TAFA4: variants seen among roughly 807,000 people sequenced by gnomAD.
The protein encoded by TAFA4 is TAFA chemokine like family member 4.
In TAFA4, 20 loss-of-function variants were observed where a neutral mutation model predicts 21.1. The observed-to-expected ratio is 0.95, with a 90% CI of 0.67 to 1.38. The LOEUF (loss-of-function observed/expected upper bound fraction) is 1.38. TAFA4 is among the 40% of genes most tolerant of loss of function. The probability of loss-of-function intolerance (pLI) is 0.00; values close to 1 mark genes in which losing one functional copy is unlikely to be tolerated. For synonymous variants in TAFA4, 71 were observed against 67.4 expected, an observed-to-expected ratio of 1.05 and a Z score of -0.26; for missense variants, 211 against 180.9, an observed-to-expected ratio of 1.17 and a Z score of -0.95.
At chr3:68,866,577 C>G (rs973529004) in intron 3 of TAFA4, among the ~76,000 whole-genome samples, 1 of 134,702 alleles carries the variant, frequency 7.4e-6, no homozygotes, top group Non-Finnish European at 1.5e-5. Context: ...GCAGACAAAA[C>G]AAGCAGCCAG....
At chr3:68,928,729 C>G (rs1325226565) in intron 1 of TAFA4, among the ~76,000 whole-genome samples, 4 of 152,122 alleles carry the variant, frequency 2.6e-5, no homozygotes, top group Non-Finnish European at 4.4e-5. Flanking sequence ...TGTGGCCCTC[C>G]TCCGCAGAGA....
At chr3:68,820,547 C>CA (rs899375278) in intron 3 of TAFA4, among the ~76,000 whole-genome samples, 2 of 152,058 alleles carry the variant, frequency 1.3e-5, no homozygotes, top group African/African-American at 4.8e-5. Flanking sequence ...GGCATGATGG[C>CA]ATGTGCCTAT....
At chr3:68,925,436 G>C (rs936166471) in intron 1 of TAFA4, among the ~76,000 whole-genome samples, 1 of 152,114 alleles carries the variant, frequency 6.6e-6, no homozygotes, top group African/African-American at 2.4e-5. Context: ...TACATACAGA[G>C]AAGAATTCAC....
At chr3:68,920,749 G>A (rs1452169074) in intron 1 of TAFA4, among the ~76,000 whole-genome samples, 2 of 149,874 alleles carry the variant, frequency 1.3e-5, no homozygotes, top group Non-Finnish European at 2.9e-5. Context: ...CTACAATGCA[G>A]CCTAAGTGGC....
intron 3 of TAFA4, among the ~76,000 whole-genome samples, chr3:68,877,101 G>A (rs1045834491): frequency 1.3e-5 from 2 of 152,122 alleles, no homozygotes; most frequent in African/African-American, 4.8e-5. Context: ...TCTCAGGCCT[G>A]TAATCCCAGC....
At chr3:68,882,064 T>G (rs907949839) in intron 2 of TAFA4, among the ~76,000 whole-genome samples, 1 of 152,234 alleles carries the variant, frequency 6.6e-6, no homozygotes, top group African/African-American at 2.4e-5. Context: ...TTGGTCTGCT[T>G]TTTAAGTAGC....
chr3:68,790,085 T>C (rs1473644634), intron 3 of TAFA4, among the ~76,000 whole-genome samples: 2 of 152,198 alleles, frequency 1.3e-5, no homozygotes, highest in Non-Finnish European at 2.9e-5. Context: ...AAGCAAAAAT[T>C]ATAACATTTT....
At chr3:68,850,369 T>C (rs541271857) in intron 3 of TAFA4, among the ~76,000 whole-genome samples, 149 of 152,180 alleles carry the variant, frequency 9.8e-4, no homozygotes, top group Non-Finnish European at 1.3e-3. Flanking sequence ...CCCCATGGAG[T>C]ATATGTCTTA....
intron 3 of TAFA4, among the ~76,000 whole-genome samples, chr3:68,759,920 T>C (rs777400167): frequency 6.6e-6 from 1 of 152,198 alleles, no homozygotes; most frequent in South Asian, 2.1e-4. Context: ...TTTCTATTTA[T>C]TTTACCAACT....
chr3:68,808,162 G>A (rs1703745171), intron 3 of TAFA4, among the ~76,000 whole-genome samples: 1 of 152,172 alleles, frequency 6.6e-6, no homozygotes, highest in Non-Finnish European at 1.5e-5. Context: ...TAAGTTACTA[G>A]TCAGAGTAGA....
At chr3:68,826,460 C>A (rs1704240599) in intron 3 of TAFA4, among the ~76,000 whole-genome samples, 1 of 151,608 alleles carries the variant, frequency 6.6e-6, no homozygotes, top group Non-Finnish European at 1.5e-5. Context: ...GTAGTCCCAG[C>A]TGCTTGGGAG....
At chr3:68,781,828 T>C (rs1163711127) in intron 3 of TAFA4, among the ~76,000 whole-genome samples, 2 of 152,104 alleles carry the variant, frequency 1.3e-5, no homozygotes, top group Admixed American at 6.5e-5. Context: ...CAGACAGATA[T>C]CTCGCATAAA....
chr3:68,893,989 T>C (rs139063270), intron 1 of TAFA4, among the ~76,000 whole-genome samples: 3 of 152,258 alleles, frequency 2.0e-5, no homozygotes, highest in Non-Finnish European at 4.4e-5. Flanking sequence ...ACAAAAGATA[T>C]AATTTAAATA....
chr3:68,796,974 GTAAA>G (rs1703464856), intron 3 of TAFA4, among the ~76,000 whole-genome samples: 1 of 152,070 alleles, frequency 6.6e-6, no homozygotes, highest in Non-Finnish European at 1.5e-5. Flanking sequence ...TCAAAAAAAA[GTAAA>G]TAAATAAAAT....
intron 3 of TAFA4, among the ~76,000 whole-genome samples, chr3:68,809,457 T>A (rs1339289430): frequency 2.0e-5 from 3 of 152,176 alleles, no homozygotes; most frequent in Non-Finnish European, 4.4e-5. Flanking sequence ...TTTTTTTAGT[T>A]TTGAAATATG....
intron 3 of TAFA4, among the ~76,000 whole-genome samples, chr3:68,873,377 C>CACA (rs55674760): frequency 5.6e-5 from 8 of 142,406 alleles, no homozygotes; most frequent in East Asian, 3.0e-4. Flanking sequence ...CACACACACA[C>CACA]CCTGGGCCAG....
At chr3:68,871,989 C>G (rs78831210) in intron 3 of TAFA4, among the ~76,000 whole-genome samples, 5 of 152,004 alleles carry the variant, frequency 3.3e-5, no homozygotes, top group African/African-American at 1.2e-4. Flanking sequence ...GAAAACAATA[C>G]AGTGGTCCTT....
At chr3:68,735,234 C>A (rs938577020) in intron 5 of TAFA4, among the ~76,000 whole-genome samples, 1 of 151,986 alleles carries the variant, frequency 6.6e-6, no homozygotes, top group Non-Finnish European at 1.5e-5. Context: ...TGGGGAAATA[C>A]ATGGCCTGTA....
intron 3 of TAFA4, among the ~76,000 whole-genome samples, chr3:68,834,732 C>G (rs1430446518): frequency 6.6e-6 from 1 of 152,154 alleles, no homozygotes; most frequent in Non-Finnish European, 1.5e-5. Context: ...TGATTCCCCT[C>G]TTTCTCTTAC....
Sources: allele counts gnomAD v4.1 joint callset (sites outside exome capture counted in the v4.1 genomes callset), GRCh38; gene constraint gnomAD v4.1.1; transcripts MANE v1.5; gene names NCBI Gene and HGNC (gene_info 2026-07-23, HGNC 2026-07-21).